SMUG1: variants seen among roughly 807,000 people sequenced by gnomAD.
SMUG1 encodes single-strand selective monofunctional uracil DNA glycosylase.
Under a neutral mutation model 23.9 loss-of-function variants are expected in SMUG1, and 13 were observed. The observed-to-expected ratio is 0.54, with a 90% CI of 0.35 to 0.86. The LOEUF is 0.86. Among genes scored for constraint, SMUG1 ranks in the 40% least tolerant of loss-of-function variants. SMUG1 has a pLI of 0.01. For synonymous variants in SMUG1, 133 were observed against 139.8 expected, an observed-to-expected ratio of 0.95 and a Z score of 0.34; for missense variants, 313 against 339.5, an observed-to-expected ratio of 0.92 and a Z score of 0.61.
At chr12:54,160,715 C>T (rs1940225551), downstream of SMUG1, among the ~76,000 whole-genome samples, 3 of 152,244 alleles carry the variant, frequency 2.0e-5, no homozygotes, top group Admixed American at 2.0e-4. Flanking sequence ...TTCCTTTTAT[C>T]ACCTCTACCA....
At chr12:54,178,669 T>C (rs1940811496), downstream of SMUG1, among the ~76,000 whole-genome samples, 1 of 152,186 alleles carries the variant, frequency 6.6e-6, no homozygotes, top group Non-Finnish European at 1.5e-5. Context: ...CTTTAAATTC[T>C]CAAAGATTAT....
At chr12:54,162,059 A>T (rs78996459), downstream of SMUG1, 3,029 of 152,774 alleles carry the variant, frequency 0.02, 52 homozygotes, top group Middle Eastern at 0.036. Flanking sequence ...CCAGCAAGTG[A>T]CAGCACCACA....
chr12:54,164,846 G>T (rs1430089410), intron 4 of SMUG1: 1 of 152,236 alleles, frequency 6.6e-6, no homozygotes, highest in Non-Finnish European at 1.5e-5. Flanking sequence ...AGCCTGCAAA[G>T]TGTTTTACAT....
chr12:54,161,149 T>A (rs1347344688), downstream of SMUG1, among the ~76,000 whole-genome samples: 1 of 151,944 alleles, frequency 6.6e-6, no homozygotes, highest in Non-Finnish European at 1.5e-5. This position sits in a 1 kb window ranked among gnomAD's most constrained non-coding sequence, Gnocchi z 4.2. Flanking sequence ...ACCTCTCCTT[T>A]CTTCGCTTCT....
downstream of SMUG1, chr12:54,162,492 C>G (rs1940301439): frequency 6.6e-6 from 1 of 152,186 alleles, no homozygotes; most frequent in South Asian, 2.1e-4. Context: ...CAGAACCTAC[C>G]TACATCCCAC....
intron 3 of SMUG1, chr12:54,183,218 T>G: frequency 3.8e-6 from 1 of 260,152 alleles, no homozygotes; most frequent in Non-Finnish European, 7.2e-6. Context: ...CAGGCTCTGT[T>G]TTGAACCTCG....
At chr12:54,182,835 G>T (rs761878460) in intron 3 of SMUG1, 48 of 1,002,764 alleles carry the variant, frequency 4.8e-5, no homozygotes, top group Non-Finnish European at 6.3e-5. Flanking sequence ...TGGTCCAGAA[G>T]AATTTGTTTC....
intron 2 of SMUG1, among the ~76,000 whole-genome samples, chr12:54,174,581 A>C (rs768493642): frequency 1.3e-5 from 2 of 152,208 alleles, no homozygotes; most frequent in African/African-American, 2.4e-5. Context: ...GACCTGCAAA[A>C]ACATGTCCTC....
Position 54,185,656 on chromosome 12 carries a change from C to T in SMUG1, c.-19-1697G>A, listed in dbSNP as rs1161757783. ...TGAAACCCCGTCTCAACTAAAAATA[C>T]AAAAATTAGCTGGGCATGGTGGCAC... On this transcript the variant is annotated intron_variant, in intron 2 of 3. Transcript: ENST00000682136. Among the ~76,000 whole-genome samples the T allele has an allele frequency of 2.0e-5, 3 of 149,454 alleles. No individual in the cohort carries two copies. In the East Asian group the frequency reaches 6.1e-4, roughly 30 times the overall value.
At chr12:54,186,176 T>A (rs897875420) in intron 2 of SMUG1, among the ~76,000 whole-genome samples, 4 of 152,140 alleles carry the variant, frequency 2.6e-5, no homozygotes, top group African/African-American at 9.7e-5. Flanking sequence ...CCCCAACCTG[T>A]CCACATATCC....
At position 54,183,785 on chromosome 12, in the gene SMUG1, G is replaced by A. The variant is rs1454722545; in HGVS notation, c.156C>T (p.Gly52=). 2 of 1,614,128 alleles carry A rather than the reference G, an allele frequency of 1.2e-6. No individual in the cohort carries two copies. Among genetic ancestry groups the A allele is most frequent in the South Asian group, 2.2e-5 (2 of 91,086 alleles). The change falls in exon 3 of 4, where the codon GGC becomes GGT. Residue 52 remains glycine, a synonymous_variant. Coordinates refer to ENST00000682136, the MANE Select transcript of SMUG1 (RefSeq NM_001243787.2). ...CATACTCCACGGGATTGTAGATGAT[G>A]CCCACAGGCTCCGAAAACTGCAGCT... ...LSQLQFSEPV[G]IIYNPVEYAW...
chr12:54,172,349 C>T, intron 2 of SMUG1: 1 of 268,456 alleles, frequency 3.7e-6, no homozygotes, highest in Non-Finnish European at 7.9e-6. Flanking sequence ...TTTGCCCTCG[C>T]TGTTCTCTTA....
intron 3 of SMUG1, 164 bp downstream of exon 3, chr12:54,183,492 G>T: frequency 1.5e-6 from 1 of 677,272 alleles, no homozygotes; most frequent in Non-Finnish European, 2.5e-6. Context: ...GACGCTGGGA[G>T]AGGGCCTCGG....
chr12:54,188,726 C>T (rs1943128464), intron 1 of SMUG1: 1 of 152,252 alleles, frequency 6.6e-6, no homozygotes, highest in South Asian at 2.1e-4. Flanking sequence ...CATACAAAAC[C>T]TCCGGGGGCG....
At chr12:54,166,816 G>A (rs1206757288) in intron 3 of SMUG1, among the ~76,000 whole-genome samples, 1 of 152,044 alleles carries the variant, frequency 6.6e-6, no homozygotes, top group African/African-American at 2.4e-5. Context: ...CCTTGTCAGG[G>A]AAAACCCCAG....
downstream of SMUG1, among the ~76,000 whole-genome samples, chr12:54,178,075 AG>A (rs1157070422): frequency 3.3e-5 from 5 of 152,176 alleles, no homozygotes; most frequent in Admixed American, 3.3e-4. Flanking sequence ...TGCTCAGAAA[AG>A]GCTATGGGAG....
chr12:54,184,676 C>T (rs1941912032), intron 2 of SMUG1, among the ~76,000 whole-genome samples: 1 of 152,182 alleles, frequency 6.6e-6, no homozygotes, highest in South Asian at 2.1e-4. Flanking sequence ...GCCATCTTGC[C>T]TTAGATGGTT....
chr12:54,176,730 C>A (rs1940768858), downstream of SMUG1, among the ~76,000 whole-genome samples: 1 of 151,596 alleles, frequency 6.6e-6, no homozygotes, highest in Non-Finnish European at 1.5e-5. Context: ...TGGCGTGAAC[C>A]CGGGAAGCGG....
intron 2 of SMUG1, chr12:54,173,173 A>T (rs984190580): frequency 6.5e-6 from 1 of 154,108 alleles, no homozygotes; most frequent in Admixed American, 6.5e-5. Context: ...AGGCAGAAAC[A>T]GCAGCGAGAA....
Sources: gnomAD v4.1 joint callset for allele counts (sites outside exome capture counted in the v4.1 genomes callset) on GRCh38, gnomAD v4.1.1 for gene constraint, Gnocchi (gnomAD v3.1) non-coding constraint, MANE v1.5 for transcripts, NCBI Gene and HGNC (gene_info 2026-07-23, HGNC 2026-07-21) for gene names.